PRKCH: variants seen among roughly 807,000 people sequenced by gnomAD.
PRKCH encodes protein kinase C eta type.
PRKCH carries 28 observed loss-of-function variants against 82.5 expected under a neutral mutation model. The observed-to-expected ratio is 0.34, with a 90% CI of 0.25 to 0.47. The LOEUF is 0.47. Ranked by LOEUF, PRKCH falls within the 20% of genes least tolerant of loss-of-function variation. The pLI, the probability that PRKCH is intolerant of heterozygous loss-of-function variation, is 1.00. For synonymous variants in PRKCH, 322 were observed against 327.4 expected (o/e 0.98, Z 0.18); for missense variants, 705 against 881.8 (o/e 0.80, Z 2.54).
intron 9 of PRKCH, among the ~76,000 whole-genome samples, chr14:61,461,133 C>T (rs1229767306): frequency 1.3e-5 from 2 of 152,148 alleles, no homozygotes; most frequent in East Asian, 1.9e-4. Flanking sequence ...TCTTGATGGC[C>T]CTGGAGCCCA....
intron 1 of PRKCH, among the ~76,000 whole-genome samples, chr14:61,301,974 T>C (rs1292638192): frequency 2.0e-5 from 3 of 152,260 alleles, no homozygotes; most frequent in East Asian, 1.9e-4. Context: ...TCTCTTTCAG[T>C]TGACATTCTA....
Position 61,321,976 on chromosome 14 carries a change from G to C in PRKCH, c.-126G>C, listed in dbSNP as rs1244622607. 1 of 1,055,428 alleles carries C rather than the reference G, an allele frequency of 9.5e-7. No individual in the cohort carries two copies. The highest frequency in any genetic ancestry group is 2.9e-5 in the Admixed American group (1 of 34,310). The allele number at this position is 1,055,428 out of a possible 1,614,324, so 65.4% of individuals were successfully genotyped here. A position where few individuals can be genotyped will look rare whatever the true frequency, so the allele number is the denominator to read the frequency against. Reference sequence around the variant, plus strand: ...AGAATGGCCAGTCGAGGGGCGCTTAGGCGCTGCCTTTCCCCAGGGCTGCCT... The same window carrying C: ...AGAATGGCCAGTCGAGGGGCGCTTACGCGCTGCCTTTCCCCAGGGCTGCCT... On this transcript the variant is annotated 5_prime_UTR_variant, in exon 1 of 14. Coordinates refer to ENST00000332981, the MANE Select transcript of PRKCH (RefSeq NM_006255.5). This position sits in a 1 kb window ranked among gnomAD's most constrained non-coding sequence, Gnocchi z 4.1.
chr14:61,229,079 A>C (rs1463909771), intron 1 of PRKCH, among the ~76,000 whole-genome samples: 2 of 152,174 alleles, frequency 1.3e-5, no homozygotes, highest in Non-Finnish European at 2.9e-5. Context: ...CTATGGGGAC[A>C]GTAGCATAAA....
intron 1 of PRKCH, among the ~76,000 whole-genome samples, chr14:61,301,022 C>T (rs1308210000): frequency 6.6e-6 from 1 of 152,188 alleles, no homozygotes; most frequent in Non-Finnish European, 1.5e-5. Context: ...TCTATAAAAC[C>T]TGTGTACTTC....
At chr14:61,487,258 C>T (rs1886266039) in intron 10 of PRKCH, among the ~76,000 whole-genome samples, 1 of 152,158 alleles carries the variant, frequency 6.6e-6, no homozygotes, top group African/African-American at 2.4e-5. Flanking sequence ...GAAGAGGGTG[C>T]AGAACTGGGA....
At chr14:61,217,788 C>G (rs2140050531) in intron 1 of PRKCH, among the ~76,000 whole-genome samples, 1 of 152,320 alleles carries the variant, frequency 6.6e-6, no homozygotes, top group Middle Eastern at 3.4e-3. Context: ...ACAGGGCTGG[C>G]TCAGATGTCA....
At chr14:61,231,159 T>C (rs950418455) in intron 1 of PRKCH, among the ~76,000 whole-genome samples, 1 of 152,236 alleles carries the variant, frequency 6.6e-6, no homozygotes, top group Non-Finnish European at 1.5e-5. Flanking sequence ...CTGTGTGACC[T>C]TGGGCAAGTG....
At chr14:61,285,746 A>C (rs979412420) in intron 1 of PRKCH, among the ~76,000 whole-genome samples, 1 of 152,238 alleles carries the variant, frequency 6.6e-6, no homozygotes, top group African/African-American at 2.4e-5. Context: ...CTGAGTTCTC[A>C]TAGTTGTAAT....
intron 1 of PRKCH, among the ~76,000 whole-genome samples, chr14:61,343,867 T>TAGAA (rs1173815178): frequency 2.0e-5 from 3 of 152,214 alleles, no homozygotes; most frequent in Non-Finnish European, 4.4e-5. Context: ...CTGACTTCTT[T>TAGAA]GCCTTTTCCC....
intron 1 of PRKCH, among the ~76,000 whole-genome samples, chr14:61,192,572 A>G (rs557956548): frequency 2.0e-5 from 3 of 152,252 alleles, no homozygotes; most frequent in African/African-American, 7.2e-5. Context: ...AGGAGTGTGC[A>G]AAAAGGAAAC....
At chr14:61,290,361 A>G (rs1254196627) in intron 1 of PRKCH, among the ~76,000 whole-genome samples, 1 of 152,144 alleles carries the variant, frequency 6.6e-6, no homozygotes. Context: ...GAAACTGGGG[A>G]AAAATAACAT....
intron 1 of PRKCH, among the ~76,000 whole-genome samples, chr14:61,337,451 C>G (rs920219038): frequency 3.3e-5 from 5 of 152,196 alleles, no homozygotes; most frequent in Non-Finnish European, 5.9e-5. Context: ...GGATCTTACT[C>G]TGTTGCCCAG....
At chr14:61,379,748 G>A (rs1025297858) in intron 1 of PRKCH, among the ~76,000 whole-genome samples, 23 of 152,184 alleles carry the variant, frequency 1.5e-4, no homozygotes, top group African/African-American at 5.1e-4. Context: ...CTGTGAGGCT[G>A]CAGGGAGTAT....
chr14:61,348,240 G>C (rs1212274400), intron 1 of PRKCH, among the ~76,000 whole-genome samples: 1 of 152,196 alleles, frequency 6.6e-6, no homozygotes, highest in Non-Finnish European at 1.5e-5. Flanking sequence ...AGAGAGGACT[G>C]ATTGCCCATA....
intron 1 of PRKCH, among the ~76,000 whole-genome samples, chr14:61,350,594 G>A (rs1410448109): frequency 1.3e-5 from 2 of 152,030 alleles, no homozygotes; most frequent in Admixed American, 6.6e-5. Flanking sequence ...AGCATCCCTT[G>A]CCTCTTAAAG....
At chr14:61,272,370 T>G (rs2045164975) in intron 1 of PRKCH, among the ~76,000 whole-genome samples, 1 of 85,974 alleles carries the variant, frequency 1.2e-5, no homozygotes, top group African/African-American at 4.6e-5. Context: ...TTTTTTTTTT[T>G]TGAGACAGAG....
chr14:61,203,601 G>A (rs747402824), intron 1 of PRKCH, among the ~76,000 whole-genome samples: 2 of 152,174 alleles, frequency 1.3e-5, no homozygotes, highest in Non-Finnish European at 2.9e-5. Flanking sequence ...GGCATCTCTT[G>A]TGGAGACAGC....
At chr14:61,201,469 CTTTT>C (rs1358863421) in intron 1 of PRKCH, among the ~76,000 whole-genome samples, 1 of 152,006 alleles carries the variant, frequency 6.6e-6, no homozygotes, top group Non-Finnish European at 1.5e-5. Context: ...ATTATAAACG[CTTTT>C]TTGATTTTTT....
chr14:61,334,764 C>T (rs917639382), intron 1 of PRKCH, among the ~76,000 whole-genome samples: 1 of 152,072 alleles, frequency 6.6e-6, no homozygotes, highest in Non-Finnish European at 1.5e-5. Flanking sequence ...TGTTTGCTAC[C>T]TTATAGGCTT....
Sources: allele counts gnomAD v4.1 joint callset (sites outside exome capture counted in the v4.1 genomes callset), GRCh38; gene constraint gnomAD v4.1.1; non-coding constraint Gnocchi (gnomAD v3.1); transcripts MANE v1.5; gene names NCBI Gene and HGNC (gene_info 2026-07-23, HGNC 2026-07-21).